SPATS2: variants seen among roughly 807,000 people sequenced by gnomAD.
SPATS2 encodes spermatogenesis associated serine rich 2.
In SPATS2, 38 loss-of-function variants were observed where a neutral mutation model predicts 63.7. The observed-to-expected ratio is 0.60, with a 90% CI of 0.46 to 0.78. The LOEUF (loss-of-function observed/expected upper bound fraction) is 0.78, where lower values mean the gene tolerates loss of function less well. SPATS2 is among the 30% of genes least tolerant of loss of function. The pLI is 0.00. For missense variants in SPATS2, 588 were observed against 666.2 expected (o/e 0.88, Z 1.29); for synonymous variants, 207 against 232.9 (o/e 0.89, Z 1.01).
At chr12:49,367,352 C>G (rs1270855614), upstream of SPATS2, 2 of 389,874 alleles carry the variant, frequency 5.1e-6, no homozygotes, top group African/African-American at 2.1e-5. Context: ...TCGGGGTGAT[C>G]TGCTGGATCT....
Position 49,396,522 on chromosome 12 carries a change from C to A in SPATS2, c.-244+25232C>A, listed in dbSNP as rs557142931. Reference sequence around the variant, plus strand: ...CTACTGCATAGTTTCTCCTTTGCTTCTACTATGGTACTATTTCATTCTTTA... The same window carrying A: ...CTACTGCATAGTTTCTCCTTTGCTTATACTATGGTACTATTTCATTCTTTA... On this transcript the variant is annotated intron_variant, in intron 2 of 13. Coordinates refer to ENST00000552918, the MANE Select transcript of SPATS2 (RefSeq NM_023071.4). 2.0e-4 allele frequency among the ~76,000 whole-genome samples: 30 copies of A among 152,292 alleles called. No individual in the cohort carries two copies. The South Asian group carries it at 6.2e-3, about 32-fold the overall frequency.
intron 2 of SPATS2, among the ~76,000 whole-genome samples, chr12:49,382,997 G>A (rs1024116399): frequency 2.0e-5 from 3 of 151,590 alleles, no homozygotes; most frequent in Non-Finnish European, 4.4e-5. Flanking sequence ...GAGCCACTGC[G>A]CCCGGCCTTT....
At chr12:49,408,998 C>G (rs1944748047) in intron 2 of SPATS2, among the ~76,000 whole-genome samples, 1 of 151,788 alleles carries the variant, frequency 6.6e-6, no homozygotes, top group Non-Finnish European at 1.5e-5. Context: ...TGAATGCATA[C>G]AGCTTTCAGT....
intron 13 of SPATS2, 91 bp from the exon 14 acceptor site, chr12:49,525,853 A>G: frequency 7.1e-7 from 1 of 1,408,616 alleles, no homozygotes; most frequent in Non-Finnish European, 9.6e-7. Flanking sequence ...ATGGGATACC[A>G]CAATTCTGCT....
At chr12:49,415,308 G>C (rs1251053733) in intron 2 of SPATS2, among the ~76,000 whole-genome samples, 2 of 152,146 alleles carry the variant, frequency 1.3e-5, no homozygotes, top group Non-Finnish European at 1.5e-5. Context: ...GCCTCCCAAA[G>C]TGCTGGGATT....
At chr12:49,427,085 A>G (rs1413092163) in intron 2 of SPATS2, among the ~76,000 whole-genome samples, 2 of 152,174 alleles carry the variant, frequency 1.3e-5, no homozygotes, top group Non-Finnish European at 2.9e-5. Flanking sequence ...TTATACTCCC[A>G]CTAGCAATAT....
intron 4 of SPATS2, chr12:49,486,497 C>G (rs1428990628): frequency 3.8e-6 from 1 of 263,124 alleles, no homozygotes; most frequent in Non-Finnish European, 7.5e-6. Context: ...CCGCATCCAG[C>G]AGAGTCTGTA....
intron 5 of SPATS2, chr12:49,490,397 A>G (rs1946363118): frequency 1.7e-5 from 6 of 358,704 alleles, no homozygotes; most frequent in Non-Finnish European, 3.0e-5. Context: ...TCTAAGATGT[A>G]TGGATAAGAG....
chr12:49,469,542 TAAAAAAAAAAAAAAAA>T, intron 3 of SPATS2: 1 of 265,212 alleles, frequency 3.8e-6, no homozygotes, highest in East Asian at 1.1e-4. Context: ...GCTGGGTCTC[TAAAAAAAAAAAAAAAA>T]AAAAAAGAAA....
intron 2 of SPATS2, among the ~76,000 whole-genome samples, chr12:49,441,470 CCT>C (rs1467821616): frequency 2.0e-5 from 3 of 152,140 alleles, no homozygotes; most frequent in East Asian, 3.8e-4. Context: ...CTGTCTTCCC[CCT>C]CTTTTAGAAA....
At chr12:49,498,524 A>G (rs986124261) in intron 8 of SPATS2, among the ~76,000 whole-genome samples, 1 of 152,108 alleles carries the variant, frequency 6.6e-6, no homozygotes, top group African/African-American at 2.4e-5. Context: ...CCTGTAACTT[A>G]AGGAATTTTG....
At chr12:49,370,776 C>A (rs188911471) in intron 1 of SPATS2, among the ~76,000 whole-genome samples, 8 of 152,118 alleles carry the variant, frequency 5.3e-5, no homozygotes, top group Non-Finnish European at 8.8e-5. Context: ...TTTGTTTACT[C>A]CCCCCCAACC....
rs761246863 is a variant in SPATS2, at chr12:49,472,628, T to A, written c.25+11591T>A. Among the ~76,000 whole-genome samples the A allele has an allele frequency of 2.8e-4, 41 of 147,268 alleles. 1 individual carries two copies. Among genetic ancestry groups the A allele is most frequent in the Admixed American group, 1.6e-3 (23 of 14,696 alleles). ...TATATATTTTATATATATATATATA[T>A]AAAATATTATATTATATTATTATAT... On this transcript the variant is annotated intron_variant, in intron 3 of 13. Transcript: ENST00000552918.
Position 49,418,107 on chromosome 12 carries a change from A to AGTTTTTTT in SPATS2, c.-243-42662_-243-42655dup, listed in dbSNP as rs373898652. On this transcript the variant is annotated intron_variant, in intron 2 of 13. Coordinates refer to ENST00000552918, the MANE Select transcript of SPATS2 (RefSeq NM_023071.4). ...GTGTAGCTTTCATTTTAAATGACTC[A>AGTTTTTTT]GTTTTTTTTTTTTTTTTTTTTTTTT... Among the ~76,000 whole-genome samples, 695 of 94,610 alleles carry AGTTTTTTT rather than the reference A, an allele frequency of 7.3e-3. 7 individuals carry two copies. Among genetic ancestry groups the AGTTTTTTT allele is most frequent in the Non-Finnish European group, 0.012 (574 of 49,912 alleles). 62.1% of individuals were successfully genotyped at this position (94,610 alleles called of 152,430 possible).
intron 2 of SPATS2, among the ~76,000 whole-genome samples, chr12:49,415,398 G>A (rs1345312063): frequency 6.6e-6 from 1 of 152,158 alleles, no homozygotes; most frequent in Non-Finnish European, 1.5e-5. Context: ...CTGGGAATAA[G>A]AAACAGTTTA....
Position 49,497,024 on chromosome 12 carries a change from C to T in SPATS2, c.703+15C>T, listed in dbSNP as rs1179092038. 1 of 1,503,184 alleles carries T rather than the reference C, an allele frequency of 6.7e-7. No homozygotes were observed. The highest frequency in any genetic ancestry group is 1.4e-5 in the African/African-American group (1 of 69,450). 93.1% of individuals were successfully genotyped at this position (1,503,184 alleles called of 1,614,324 possible). ...TAAAAAGCTAAGTAAGTCAGAGGCC[C>T]ACCTGTGAGAGAAAATGAAAAATCT... On this transcript the variant is annotated intron_variant, in intron 8 of 13. Coordinates refer to ENST00000552918, the MANE Select transcript of SPATS2 (RefSeq NM_023071.4).
intron 2 of SPATS2, among the ~76,000 whole-genome samples, chr12:49,457,348 A>C (rs1435332251): frequency 6.6e-6 from 1 of 152,018 alleles, no homozygotes; most frequent in Admixed American, 6.6e-5. Flanking sequence ...AGATGAAATA[A>C]CCTTGATATG....
At chr12:49,436,156 A>G (rs1161107671) in intron 2 of SPATS2, among the ~76,000 whole-genome samples, 5 of 151,716 alleles carry the variant, frequency 3.3e-5, no homozygotes, top group Admixed American at 6.6e-5. Context: ...TGAGCTGTTG[A>G]GTACACCTCC....
chr12:49,471,003 T>C (rs953167942), intron 3 of SPATS2, among the ~76,000 whole-genome samples: 4 of 152,226 alleles, frequency 2.6e-5, no homozygotes, highest in Non-Finnish European at 5.9e-5. Context: ...AAACACTGAC[T>C]GTTAGAACCA....
Sources: gnomAD v4.1 joint callset for allele counts (sites outside exome capture counted in the v4.1 genomes callset) on GRCh38, gnomAD v4.1.1 for gene constraint, MANE v1.5 for transcripts, NCBI Gene and HGNC (gene_info 2026-07-23, HGNC 2026-07-21) for gene names.